Variants in HHAT observed in about 807,000 individuals in gnomAD.
The protein encoded by HHAT is protein-cysteine N-palmitoyltransferase HHAT.
A neutral mutation model predicts 70.8 loss-of-function variants in HHAT; 47 were observed. The ratio of observed to expected loss-of-function variants is 0.66; its 90% CI spans 0.53 to 0.85. The LOEUF (loss-of-function observed/expected upper bound fraction) is 0.85. Ranked by LOEUF, HHAT falls within the 40% of genes least tolerant of loss-of-function variation. The probability of loss-of-function intolerance (pLI) is 0.00; values close to 1 mark genes in which losing one functional copy is unlikely to be tolerated. For missense variants in HHAT, 609 were observed against 604.8 expected (o/e 1.01, Z -0.07); for synonymous variants, 228 against 247.6 (o/e 0.92, Z 0.74).
intron 9 of HHAT, among the ~76,000 whole-genome samples, chr1:210,513,475 A>C (rs2094997007): frequency 1.3e-5 from 2 of 152,220 alleles, no homozygotes; most frequent in Non-Finnish European, 2.9e-5. Flanking sequence ...TTGAAAAATT[A>C]GGAGTGCCAG....
chr1:210,341,381 T>C (rs1426227018), intron 1 of HHAT, among the ~76,000 whole-genome samples: 1 of 152,218 alleles, frequency 6.6e-6, no homozygotes, highest in Non-Finnish European at 1.5e-5. Flanking sequence ...TGAAATGATA[T>C]TGGAAGTTGC....
chr1:210,525,369 A>G (rs191765383), intron 9 of HHAT, among the ~76,000 whole-genome samples: 1 of 152,142 alleles, frequency 6.6e-6, no homozygotes, highest in East Asian at 1.9e-4. Flanking sequence ...AGTCATGTCA[A>G]TGTCCGAGAC....
At chr1:210,557,760 A>T (rs896535944) in intron 9 of HHAT, among the ~76,000 whole-genome samples, 9 of 152,168 alleles carry the variant, frequency 5.9e-5, no homozygotes, top group African/African-American at 2.2e-4. Flanking sequence ...ATTATTTCCC[A>T]CTGGATCCCT....
At chr1:210,493,070 G>C (rs557834864) in intron 8 of HHAT, among the ~76,000 whole-genome samples, 1 of 152,038 alleles carries the variant, frequency 6.6e-6, no homozygotes, top group South Asian at 2.1e-4. Context: ...TTTGATTCTA[G>C]TTCAGCCAAC....
chr1:210,664,193 C>T (rs1326640778), intron 11 of HHAT, among the ~76,000 whole-genome samples: 1 of 152,176 alleles, frequency 6.6e-6, no homozygotes, highest in Non-Finnish European at 1.5e-5. Context: ...AAGGCTCCTG[C>T]CTCATAGGCT....
chr1:210,395,906 G>A (rs955240456), intron 4 of HHAT, among the ~76,000 whole-genome samples: 3 of 152,160 alleles, frequency 2.0e-5, no homozygotes, highest in African/African-American at 4.8e-5. Flanking sequence ...TATGAAACAC[G>A]TGATATATGC....
intron 11 of HHAT, among the ~76,000 whole-genome samples, chr1:210,644,397 G>T (rs993840361): frequency 6.6e-6 from 1 of 152,122 alleles, no homozygotes; most frequent in African/African-American, 2.4e-5. Context: ...GAGGTCAGGA[G>T]TTCGAGACCA....
In HHAT at chr1:210,579,844, G is replaced by C. The variant is rs189948086; in HGVS notation, c.1044-8054G>C. ...TTTCTGTGAGAAAGATAGAGCTTTT[G>C]TGAAGCCAGAGTTTGGGTTTTGAAC... is the stretch of plus-strand genomic sequence containing the variant. On this transcript the variant is annotated intron_variant, in intron 9 of 11. Transcript: ENST00000261458. 4.3e-4 allele frequency among the ~76,000 whole-genome samples: 65 copies of C among 152,280 alleles called. 2 individuals are homozygous for C. Among genetic ancestry groups the C allele is most frequent in the Admixed American group, 4.0e-3 (61 of 15,308 alleles).
chr1:210,374,582 A>T (rs1158447428), intron 3 of HHAT, among the ~76,000 whole-genome samples: 1 of 152,148 alleles, frequency 6.6e-6, no homozygotes, highest in Non-Finnish European at 1.5e-5. Flanking sequence ...GCTGAGTTCT[A>T]AATCCCATCC....
chr1:210,671,524 G>C (rs1680079066), intron 11 of HHAT, among the ~76,000 whole-genome samples: 3 of 152,158 alleles, frequency 2.0e-5, no homozygotes, highest in Admixed American at 6.5e-5. Flanking sequence ...GATATAACTT[G>C]TCAGGCATCT....
At chr1:210,538,866 C>T (rs1407338920) in intron 9 of HHAT, among the ~76,000 whole-genome samples, 1 of 152,174 alleles carries the variant, frequency 6.6e-6, no homozygotes, top group Non-Finnish European at 1.5e-5. Flanking sequence ...CACCTGAGAT[C>T]AGGAGTTTGA....
At chr1:210,651,985 A>G (rs1218490882) in intron 11 of HHAT, among the ~76,000 whole-genome samples, 1 of 152,172 alleles carries the variant, frequency 6.6e-6, no homozygotes, top group African/African-American at 2.4e-5. Flanking sequence ...TTCATCATCC[A>G]TCCTGACTGA....
chr1:210,522,594 C>T (rs1466451282), intron 9 of HHAT, among the ~76,000 whole-genome samples: 1 of 152,186 alleles, frequency 6.6e-6, no homozygotes. Context: ...TAACATCTCT[C>T]ACATCCACCC....
chr1:210,349,324 G>A (rs1023830611), intron 2 of HHAT, among the ~76,000 whole-genome samples: 3 of 152,162 alleles, frequency 2.0e-5, no homozygotes, highest in African/African-American at 4.8e-5. Context: ...ATTGAAGGCC[G>A]TGGAGGGGAT....
chr1:210,553,066 C>T (rs886328217), intron 9 of HHAT, among the ~76,000 whole-genome samples: 1 of 152,230 alleles, frequency 6.6e-6, no homozygotes, highest in Non-Finnish European at 1.5e-5. Flanking sequence ...CACTTCATCT[C>T]TCTGTCCTAA....
intron 8 of HHAT, among the ~76,000 whole-genome samples, chr1:210,487,500 C>T (rs1461347405): frequency 1.3e-5 from 2 of 152,008 alleles, no homozygotes; most frequent in African/African-American, 4.8e-5. Flanking sequence ...CCATTCTCTT[C>T]CAAATTTGTT....
In HHAT at chr1:210,328,992, A is replaced by G; in HGVS notation, c.-156A>G. On this transcript the variant is annotated 5_prime_UTR_variant, in exon 1 of 12. Coordinates refer to ENST00000261458, the MANE Select transcript of HHAT (RefSeq NM_018194.6). ...GGGGAAAGAGGGTGGCGTCCCGGGG[A>G]AGCCCGCAGCCGCCGCCGATGTCGC... 7.3e-7 allele frequency: 1 copy of G among 1,363,348 alleles called. No individual in the cohort carries two copies. The highest frequency in any genetic ancestry group is 1.7e-5 in the South Asian group (1 of 57,186). The allele number at this position is 1,363,348 out of a possible 1,614,324, so 84.5% of individuals were successfully genotyped here.
chr1:210,416,630 C>T (rs1481509975), intron 6 of HHAT, among the ~76,000 whole-genome samples: 1 of 152,198 alleles, frequency 6.6e-6, no homozygotes, highest in Non-Finnish European at 1.5e-5. Context: ...TAAAAATTTT[C>T]ATCTGTGTTG....
intron 1 of HHAT, among the ~76,000 whole-genome samples, chr1:210,339,133 A>G (rs1418737416): frequency 6.6e-6 from 1 of 152,220 alleles, no homozygotes; most frequent in East Asian, 1.9e-4. Flanking sequence ...GTAGGCTGTT[A>G]TAAAAGGAAT....
Sources: allele counts gnomAD v4.1 joint callset (sites outside exome capture counted in the v4.1 genomes callset), GRCh38; gene constraint gnomAD v4.1.1; transcripts MANE v1.5; gene names NCBI Gene and HGNC (gene_info 2026-07-23, HGNC 2026-07-21).